RAB38: variants seen among roughly 807,000 people sequenced by gnomAD.
The protein encoded by RAB38 is ras-related protein Rab-38.
In RAB38, 15 loss-of-function variants were observed where a neutral mutation model predicts 18.4. The ratio of observed to expected loss-of-function variants is 0.82; its 90% CI spans 0.55 to 1.26. RAB38 has a LOEUF of 1.26. Ranked by LOEUF, RAB38 falls within the 50% of genes most tolerant of loss-of-function variation. RAB38 has a pLI of 0.00. For missense variants in RAB38, 294 were observed against 267.4 expected, an observed-to-expected ratio of 1.10 and a Z score of -0.69; for synonymous variants, 101 against 104.4, an observed-to-expected ratio of 0.97 and a Z score of 0.20.
At chr11:87,940,923 C>T in the RAB38 span, among the ~76,000 whole-genome samples, 45 of 151,860 alleles carry the variant, frequency 3.0e-4, 1 homozygote, top group African/African-American at 1.1e-3. Context: ...TAAGCCACCA[C>T]GCCCAGCCCA....
the RAB38 span, among the ~76,000 whole-genome samples, chr11:87,887,650 A>G: frequency 2.6e-5 from 4 of 152,108 alleles, no homozygotes; most frequent in African/African-American, 9.6e-5. Context: ...GTCATAACAT[A>G]AAATTTGGAA....
the RAB38 span, among the ~76,000 whole-genome samples, chr11:87,917,213 A>G: frequency 3.7e-4 from 56 of 152,184 alleles, no homozygotes; most frequent in African/African-American, 1.3e-3. Flanking sequence ...ACTGTGGCAT[A>G]CCTGCACCGT....
chr11:87,971,087 G>A, the RAB38 span, among the ~76,000 whole-genome samples: 2 of 152,064 alleles, frequency 1.3e-5, no homozygotes, highest in Non-Finnish European at 2.9e-5. Flanking sequence ...CTTCAGCGTT[G>A]CACGGTTCTT....
intron 2 of RAB38, among the ~76,000 whole-genome samples, chr11:88,142,159 G>A (rs2134814308): frequency 6.6e-6 from 1 of 152,330 alleles, no homozygotes; most frequent in East Asian, 1.9e-4. Flanking sequence ...GAGAAAGACT[G>A]CTGAGAAGCA....
chr11:87,813,498 A>G, the RAB38 span, among the ~76,000 whole-genome samples: 1 of 85,672 alleles, frequency 1.2e-5, no homozygotes, highest in African/African-American at 5.2e-5. Flanking sequence ...CATCATACAC[A>G]TCACACACAC....
the RAB38 span, among the ~76,000 whole-genome samples, chr11:88,094,167 A>G: frequency 6.6e-6 from 1 of 151,902 alleles, no homozygotes; most frequent in South Asian, 2.1e-4. Context: ...GCACAACATC[A>G]GTAGTAATCA....
chr11:87,974,839 AAAAC>A, the RAB38 span, among the ~76,000 whole-genome samples: 2 of 151,930 alleles, frequency 1.3e-5, no homozygotes, highest in South Asian at 2.1e-4. Flanking sequence ...ACTCAGAGAT[AAAAC>A]AAACAAACAA....
chr11:87,954,981 G>A, the RAB38 span, among the ~76,000 whole-genome samples: 3 of 152,208 alleles, frequency 2.0e-5, no homozygotes, highest in African/African-American at 7.2e-5. Flanking sequence ...TATATACTAA[G>A]TAGCGGGTTG....
the RAB38 span, among the ~76,000 whole-genome samples, chr11:88,039,790 T>A: frequency 3.9e-5 from 6 of 152,264 alleles, no homozygotes; most frequent in East Asian, 9.7e-4. Context: ...GGGCCTTAAA[T>A]GTAGAGTAAA....
intron 1 of RAB38, among the ~76,000 whole-genome samples, chr11:88,154,362 G>A (rs1019266283): frequency 2.0e-5 from 3 of 152,228 alleles, no homozygotes; most frequent in African/African-American, 4.8e-5. Flanking sequence ...CCCCTCAGCA[G>A]TAGGTGCTAG....
chr11:88,073,954 T>C, the RAB38 span, among the ~76,000 whole-genome samples: 2 of 151,586 alleles, frequency 1.3e-5, no homozygotes, highest in Non-Finnish European at 2.9e-5. Context: ...ATCAGTGAGC[T>C]TGAATAGACT....
the RAB38 span, among the ~76,000 whole-genome samples, chr11:87,840,320 T>G: frequency 6.6e-6 from 1 of 152,170 alleles, no homozygotes; most frequent in Non-Finnish European, 1.5e-5. Flanking sequence ...TGGGAAGTCA[T>G]GATGGGTCTT....
chr11:88,047,847 T>C, the RAB38 span, among the ~76,000 whole-genome samples: 2 of 152,160 alleles, frequency 1.3e-5, no homozygotes, highest in African/African-American at 4.8e-5. Context: ...ACTCCCCCAC[T>C]GAAACTTCCA....
chr11:88,075,112 A>C, the RAB38 span, among the ~76,000 whole-genome samples: 1 of 152,218 alleles, frequency 6.6e-6, no homozygotes, highest in Non-Finnish European at 1.5e-5. Flanking sequence ...GGAGACTTCA[A>C]CACCATTCTC....
At chr11:88,016,208 T>A in the RAB38 span, among the ~76,000 whole-genome samples, 1 of 152,122 alleles carries the variant, frequency 6.6e-6, no homozygotes, top group Admixed American at 6.5e-5. Flanking sequence ...TGGTAGAAAG[T>A]ATGCTACATA....
intron 2 of RAB38, among the ~76,000 whole-genome samples, chr11:88,135,002 G>C (rs916448131): frequency 6.6e-6 from 1 of 152,164 alleles, no homozygotes; most frequent in African/African-American, 2.4e-5. Flanking sequence ...ATTCCTGCCA[G>C]AGTGCCTCTG....
the RAB38 span, among the ~76,000 whole-genome samples, chr11:87,861,180 T>C: frequency 0.059 from 8,918 of 151,922 alleles, 363 homozygotes; most frequent in Non-Finnish European, 0.083. Context: ...AAAAAGGCCA[T>C]CTTATTCATG....
At chr11:88,076,988 G>GAAAAGAAAAA in the RAB38 span, among the ~76,000 whole-genome samples, 2 of 70,460 alleles carry the variant, frequency 2.8e-5, no homozygotes, top group Admixed American at 1.4e-4. Flanking sequence ...AAGAAAGAAA[G>GAAAAGAAAAA]AAAAGAAAAG....
chr11:88,133,934 T>C (rs1392743177), intron 2 of RAB38, among the ~76,000 whole-genome samples: 1 of 152,242 alleles, frequency 6.6e-6, no homozygotes, highest in Non-Finnish European at 1.5e-5. Context: ...TTTTTTCATC[T>C]AAATGTGGGA....
Sources: allele counts gnomAD v4.1 joint callset (sites outside exome capture counted in the v4.1 genomes callset), GRCh38; gene constraint gnomAD v4.1.1; transcripts MANE v1.5; gene names NCBI Gene and HGNC (gene_info 2026-07-23, HGNC 2026-07-21).